Variants in SPARCL1 observed in about 807,000 individuals in gnomAD.
SPARCL1 encodes SPARC-like protein 1.
A neutral mutation model predicts 67.1 loss-of-function variants in SPARCL1; 52 were observed. That is an observed-to-expected ratio of 0.78 (90% confidence interval 0.62 to 0.98). The LOEUF is 0.98. Among genes scored for constraint, SPARCL1 ranks in the 50% least tolerant of loss-of-function variants. SPARCL1 has a pLI of 0.00. For missense variants in SPARCL1, 717 were observed against 782.4 expected (o/e 0.92, Z 1.00); for synonymous variants, 226 against 267.8 (o/e 0.84, Z 1.52).
At chr4:87,498,846 T>A (rs1724727306) in intron 2 of SPARCL1, among the ~76,000 whole-genome samples, 1 of 151,696 alleles carries the variant, frequency 6.6e-6, no homozygotes, top group Non-Finnish European at 1.5e-5. Context: ...TTGAAGAAAA[T>A]GCTGCTGGAG....
intron 4 of SPARCL1, among the ~76,000 whole-genome samples, chr4:87,492,930 CA>C (rs1209002861): frequency 1.3e-5 from 2 of 152,182 alleles, no homozygotes; most frequent in Admixed American, 1.3e-4. Context: ...ACTAATTCAA[CA>C]AACATTGTTG....
rs188168542 is a variant in SPARCL1 at position 87,528,950 on chromosome 4, A to G, written c.-12+95T>C. 5.2e-3 allele frequency: 789 copies of G among 152,314 alleles called. 7 individuals carry two copies. Among genetic ancestry groups the G allele is most frequent in the African/African-American group, 0.018 (767 of 41,574 alleles). The allele number at this position is 152,314 out of a possible 1,614,324, so 9.4% of individuals were successfully genotyped here. On this transcript the variant is annotated intron_variant, in intron 1 of 10. Transcript: ENST00000282470. ...TTTTTTGGTAAATAAATGGCTTTGT[A>G]TTATTTAGGCAAAAATATTTGACAG...
chr4:87,525,219 TG>T (rs1400320433), intron 1 of SPARCL1, among the ~76,000 whole-genome samples: 2 of 151,868 alleles, frequency 1.3e-5, no homozygotes, highest in Non-Finnish European at 2.9e-5. Flanking sequence ...ATTTCACAAG[TG>T]GGGGAAACTG....
intron 1 of SPARCL1, among the ~76,000 whole-genome samples, chr4:87,515,894 A>G (rs982945187): frequency 8.5e-5 from 13 of 152,230 alleles, no homozygotes; most frequent in African/African-American, 3.1e-4. Flanking sequence ...TTTAATAGGT[A>G]TAAATATTAT....
chr4:87,516,926 C>T (rs1330436593), intron 1 of SPARCL1, among the ~76,000 whole-genome samples: 2 of 152,144 alleles, frequency 1.3e-5, no homozygotes, highest in Non-Finnish European at 2.9e-5. Flanking sequence ...GTGTCTCATT[C>T]CAGAGCTCCA....
chr4:87,518,287 C>A (rs1334680736), intron 1 of SPARCL1, among the ~76,000 whole-genome samples: 1 of 152,136 alleles, frequency 6.6e-6, no homozygotes, highest in Non-Finnish European at 1.5e-5. Context: ...CTTCTCCTCC[C>A]ACCATGGGAA....
At chr4:87,527,428 C>G (rs1448126407) in intron 1 of SPARCL1, among the ~76,000 whole-genome samples, 4 of 152,104 alleles carry the variant, frequency 2.6e-5, no homozygotes, top group African/African-American at 9.7e-5. Flanking sequence ...TGTTCCCAAC[C>G]AGTTCTGGAT....
intron 7 of SPARCL1, among the ~76,000 whole-genome samples, chr4:87,485,734 A>G (rs1037269947): frequency 1.3e-5 from 2 of 152,062 alleles, no homozygotes; most frequent in Non-Finnish European, 2.9e-5. Context: ...TTACTGCCTC[A>G]ATTTCAGAAC....
At chr4:87,512,717 G>T (rs1725420190) in intron 1 of SPARCL1, among the ~76,000 whole-genome samples, 1 of 152,156 alleles carries the variant, frequency 6.6e-6, no homozygotes, top group South Asian at 2.1e-4. Context: ...GGAGAATTAT[G>T]AGCAAATACA....
At position 87,494,448 on chromosome 4, in the gene SPARCL1, C is replaced by T. The variant is rs750093861; in HGVS notation, c.352G>A (p.Gly118Ser). The T allele has an allele frequency of 6.2e-7, 1 of 1,614,064 alleles. No individual in the cohort carries two copies. Among genetic ancestry groups the T allele is most frequent in the South Asian group, 1.1e-5 (1 of 91,076 alleles). ...ATATCTTCTTTTATGTCCAATGTAC[C>T]TTCAGTTGGTGCATACTCCAAATTC... ...SVNLEYAPTEGTLDIKEDMSE... is the reference protein window; with the variant it reads ...SVNLEYAPTESTLDIKEDMSE... The change falls in exon 4 of 11, where the codon GGT (glycine) becomes AGT (serine). Residue 118 changes from glycine to serine, a missense_variant. Coordinates refer to ENST00000282470, the MANE Select transcript of SPARCL1 (RefSeq NM_004684.6).
At position 87,490,235 on chromosome 4, in the gene SPARCL1, C is replaced by T. The variant is rs780610242; in HGVS notation, c.1531+38G>A. 24 of 1,580,810 alleles carry T rather than the reference C, an allele frequency of 1.5e-5. No homozygotes were observed. The African/African-American group carries it at 2.2e-4, about 14-fold the overall frequency. On this transcript the variant is annotated intron_variant, in intron 7 of 10. Coordinates refer to ENST00000282470, the MANE Select transcript of SPARCL1 (RefSeq NM_004684.6). ...CATGTCCAGATTCACCCCAAGCCCT[C>T]TCAGAGATGATGGTTGACAGGAGGG...
Position 87,497,124 on chromosome 4 carries a change from T to G in SPARCL1, c.55-1997A>C, listed in dbSNP as rs372065038. On this transcript the variant is annotated intron_variant, in intron 2 of 10. Coordinates refer to ENST00000282470, the MANE Select transcript of SPARCL1 (RefSeq NM_004684.6). The stretch of plus-strand genomic sequence containing the variant: ...CTCAAACTCCTGGCCTCAAGTGATC[T>G]GCCCACCTTGGCCTCCCAAAGTGCT... 6.4e-4 allele frequency: 422 copies of G among 654,776 alleles called. 2 individuals carry two copies. In the African/African-American group the frequency reaches 7.7e-3, roughly 12 times the overall value. The allele number at this position is 654,776 out of a possible 1,614,324, so 40.6% of individuals were successfully genotyped here.
chr4:87,507,017 T>C (rs1432817356), intron 1 of SPARCL1, among the ~76,000 whole-genome samples: 2 of 152,228 alleles, frequency 1.3e-5, no homozygotes, highest in Non-Finnish European at 2.9e-5. Flanking sequence ...GTTGTGATTC[T>C]TGAATAAACA....
intron 1 of SPARCL1, among the ~76,000 whole-genome samples, chr4:87,525,610 T>A (rs1171746524): frequency 6.6e-6 from 1 of 152,228 alleles, no homozygotes; most frequent in Non-Finnish European, 1.5e-5. Context: ...TATGCCACAG[T>A]AAACTAGCCA....
chr4:87,491,843 A>G (rs1192590116), intron 4 of SPARCL1, among the ~76,000 whole-genome samples, 153 bp from the exon 5 acceptor site: 5 of 151,958 alleles, frequency 3.3e-5, no homozygotes, highest in African/African-American at 1.2e-4. Context: ...GGTGGCTCAC[A>G]TGTGTAATCC....
chr4:87,479,377 G>A, intron 10 of SPARCL1, 53 bp downstream of exon 10: 1 of 1,582,744 alleles, frequency 6.3e-7, no homozygotes, highest in Non-Finnish European at 8.6e-7. Flanking sequence ...GCAGGGCTTA[G>A]GGCTTGTCTG....
rs572339390 is a variant in SPARCL1 at position 87,482,352 on chromosome 4, C to T, written c.1668+72G>A. On this transcript the variant is annotated intron_variant, in intron 8 of 10. Transcript: ENST00000282470. ...TTTGCCAGTATGCAGAGGTAGGTAGCCCCCCCACCACGTCTTTCTTCCTCA... is the reference window on the plus strand; with the variant it reads ...TTTGCCAGTATGCAGAGGTAGGTAGTCCCCCCACCACGTCTTTCTTCCTCA... 299 of 1,515,302 alleles carry T rather than the reference C, an allele frequency of 2.0e-4. 1 individual carries two copies. The South Asian group carries it at 2.4e-3, about 12-fold the overall frequency. The allele number at this position is 1,515,302 out of a possible 1,614,324, so 93.9% of individuals were successfully genotyped here.
intron 7 of SPARCL1, among the ~76,000 whole-genome samples, chr4:87,487,137 G>A (rs1274990699): frequency 6.6e-6 from 1 of 151,764 alleles, no homozygotes; most frequent in African/African-American, 2.4e-5. Flanking sequence ...CTGTCATTAT[G>A]ATGCTAGCTG....
intron 7 of SPARCL1, among the ~76,000 whole-genome samples, chr4:87,489,996 T>C (rs1236020439): frequency 6.6e-6 from 1 of 152,204 alleles, no homozygotes; most frequent in Non-Finnish European, 1.5e-5. Context: ...AGCATTATCA[T>C]AGTGGTTCTG....
Sources: gnomAD v4.1 joint callset for allele counts (sites outside exome capture counted in the v4.1 genomes callset) on GRCh38, gnomAD v4.1.1 for gene constraint, MANE v1.5 for transcripts, NCBI Gene and HGNC (gene_info 2026-07-23, HGNC 2026-07-21) for gene names.